Variants in MECOM observed in about 807,000 individuals in gnomAD.
MECOM encodes the protein histone-lysine N-methyltransferase MECOM.
MECOM carries 13 observed loss-of-function variants against 116.3 expected under a neutral mutation model. The ratio of observed to expected loss-of-function variants is 0.11; its 90% CI spans 0.07 to 0.18. The LOEUF is 0.18. Ranked by LOEUF, MECOM falls within the 10% of genes least tolerant of loss-of-function variation. MECOM has a pLI of 1.00. For missense variants in MECOM, 1,299 were observed against 1,509.0 expected, an observed-to-expected ratio of 0.86 and a Z score of 2.31; for synonymous variants, 528 against 535.2, an observed-to-expected ratio of 0.99 and a Z score of 0.19.
rs1740368142 is a variant in MECOM, at chr3:169,424,846, T to C, written c.38-43322A>G. On this transcript the variant is annotated intron_variant, in intron 1 of 16. Transcript: ENST00000651503. Reference sequence around the variant, plus strand: ...CTAACTATCTGATTCATTTATTTTTTTGTTTAATGCTTTAACCAGTTTCTG... The same window carrying C: ...CTAACTATCTGATTCATTTATTTTTCTGTTTAATGCTTTAACCAGTTTCTG... Among the ~76,000 whole-genome samples the C allele has an allele frequency of 2.0e-5, 3 of 152,314 alleles. No individual in the cohort carries two copies. The South Asian group carries it at 6.2e-4, about 32-fold the overall frequency.
chr3:169,251,819 G>A (rs1244089537), intron 2 of MECOM, among the ~76,000 whole-genome samples: 1 of 152,184 alleles, frequency 6.6e-6, no homozygotes, highest in East Asian at 1.9e-4. Context: ...CTGTGGAAGT[G>A]TGAATGTGTT....
At chr3:169,373,247 G>C (rs1339373832) in intron 2 of MECOM, among the ~76,000 whole-genome samples, 2 of 152,056 alleles carry the variant, frequency 1.3e-5, no homozygotes, top group Admixed American at 1.3e-4. Flanking sequence ...GATAAATACT[G>C]GTTTGAGAGA....
At chr3:169,499,971 A>G (rs2108970268) in intron 1 of MECOM, among the ~76,000 whole-genome samples, 1 of 152,222 alleles carries the variant, frequency 6.6e-6, no homozygotes, top group African/African-American at 2.4e-5. Flanking sequence ...AGAGATAAAA[A>G]CATCCTGTTA....
chr3:169,183,829 TATATACAC>T (rs1746350235), intron 2 of MECOM, among the ~76,000 whole-genome samples: 2 of 142,336 alleles, frequency 1.4e-5, no homozygotes, highest in African/African-American at 2.7e-5. Flanking sequence ...CATATATATA[TATATACAC>T]ACATACATAT....
intron 4 of MECOM, among the ~76,000 whole-genome samples, chr3:169,130,231 C>G (rs1240102012): frequency 1.3e-5 from 2 of 152,028 alleles, no homozygotes; most frequent in Non-Finnish European, 2.9e-5. Context: ...TGTTTGAAAA[C>G]CTTTTTAGGT....
At position 169,154,057 on chromosome 3, in the gene MECOM, GT is replaced by G. The variant is rs1225182442; in HGVS notation, c.376-10226del. Reference sequence around the variant, plus strand: ...GGAAGGGAAGAATTTTAAGAAAAGTGTTTTTTTTCTCTCAAGCTGTGCTACC... The same window carrying G: ...GGAAGGGAAGAATTTTAAGAAAAGTGTTTTTTTCTCTCAAGCTGTGCTACC... On this transcript the variant is annotated intron_variant, in intron 2 of 16. Transcript: ENST00000651503. Among the ~76,000 whole-genome samples, 7 of 151,796 alleles carry G rather than the reference GT, an allele frequency of 4.6e-5. No individual in the cohort carries two copies. The East Asian group carries it at 7.7e-4, about 17-fold the overall frequency.
intron 2 of MECOM, among the ~76,000 whole-genome samples, chr3:169,191,743 AAAG>A: frequency 8.5e-6 from 1 of 117,220 alleles, no homozygotes; most frequent in Non-Finnish European, 1.8e-5. Flanking sequence ...AAAGAAAGAG[AAAG>A]AAAGAAAGAA....
At chr3:169,253,805 G>A (rs907355523) in intron 2 of MECOM, among the ~76,000 whole-genome samples, 1 of 151,916 alleles carries the variant, frequency 6.6e-6, no homozygotes, top group African/African-American at 2.4e-5. Flanking sequence ...AAAGAGTAAT[G>A]AAATGATCTA....
chr3:169,486,358 A>G (rs1416258142), intron 1 of MECOM, among the ~76,000 whole-genome samples: 3 of 151,930 alleles, frequency 2.0e-5, no homozygotes, highest in Non-Finnish European at 2.9e-5. Flanking sequence ...AATGTTAAAA[A>G]ATTTTCAACT....
chr3:169,573,491 C>A (rs544190847), intron 1 of MECOM, among the ~76,000 whole-genome samples: 1 of 152,254 alleles, frequency 6.6e-6, no homozygotes, highest in Non-Finnish European at 1.5e-5. Context: ...AGCAGCATAC[C>A]GTCAGCCAGA....
chr3:169,542,751 A>T (rs1194027987), intron 1 of MECOM, among the ~76,000 whole-genome samples: 1 of 152,206 alleles, frequency 6.6e-6, no homozygotes, highest in Non-Finnish European at 1.5e-5. Flanking sequence ...AAGAACAGAC[A>T]ACTAGCAGGA....
intron 2 of MECOM, among the ~76,000 whole-genome samples, chr3:169,264,695 A>G (rs981418276): frequency 1.3e-5 from 2 of 152,212 alleles, no homozygotes; most frequent in South Asian, 2.1e-4. Context: ...ACTATGAGAC[A>G]TATCTCCGCT....
At chr3:169,473,315 G>A (rs2108805063) in intron 1 of MECOM, among the ~76,000 whole-genome samples, 1 of 152,210 alleles carries the variant, frequency 6.6e-6, no homozygotes, top group East Asian at 1.9e-4. Context: ...AAAAACACAA[G>A]AGCGAATATA....
intron 2 of MECOM, among the ~76,000 whole-genome samples, chr3:169,148,341 C>T (rs756877220): frequency 6.6e-6 from 1 of 152,184 alleles, no homozygotes; most frequent in African/African-American, 2.4e-5. Flanking sequence ...GTAATCGGTA[C>T]TATCCTATGT....
chr3:169,217,737 T>C (rs1430066682), intron 2 of MECOM, among the ~76,000 whole-genome samples: 1 of 151,870 alleles, frequency 6.6e-6, no homozygotes, highest in Non-Finnish European at 1.5e-5. Context: ...TGAGCTGAGA[T>C]CACACCACTG....
At chr3:169,418,430 G>A (rs1739100770) in intron 1 of MECOM, among the ~76,000 whole-genome samples, 1 of 152,074 alleles carries the variant, frequency 6.6e-6, no homozygotes, top group African/African-American at 2.4e-5. Context: ...ACAAAAACCT[G>A]GTAGAGACAC....
At chr3:169,572,340 A>C (rs1437546126) in intron 1 of MECOM, among the ~76,000 whole-genome samples, 1 of 152,238 alleles carries the variant, frequency 6.6e-6, no homozygotes, top group Non-Finnish European at 1.5e-5. Flanking sequence ...GTCAGGAAAC[A>C]ACAGATGCTG....
intron 2 of MECOM, among the ~76,000 whole-genome samples, chr3:169,207,970 G>A (rs1014481846): frequency 6.6e-6 from 1 of 152,078 alleles, no homozygotes; most frequent in African/African-American, 2.4e-5. Flanking sequence ...TGTATAACAA[G>A]TCAGCACTGT....
rs964966369 is a variant in MECOM at position 169,388,480 on chromosome 3, T to A, written c.38-6956A>T. Among the ~76,000 whole-genome samples, 4 of 152,112 alleles carry A rather than the reference T, an allele frequency of 2.6e-5. No homozygotes were observed. In the South Asian group the frequency reaches 8.3e-4, roughly 32 times the overall value. On this transcript the variant is annotated intron_variant, in intron 1 of 16. Transcript: ENST00000651503. ...ATCTTCTATGAGAATGGCCCCAAGA[T>A]AATGAAATTTAAGATCCCAAAGAAA...
Sources: allele counts gnomAD v4.1 joint callset (sites outside exome capture counted in the v4.1 genomes callset), GRCh38; gene constraint gnomAD v4.1.1; transcripts MANE v1.5; gene names NCBI Gene and HGNC (gene_info 2026-07-23, HGNC 2026-07-21).